The following ARHGEF3 variants were observed in gnomAD, a reference collection of about 807,000 sequenced individuals.
The protein encoded by ARHGEF3 is 59.8 kDA protein.
Under a neutral mutation model 63.2 loss-of-function variants are expected in ARHGEF3, and 28 were observed. The observed-to-expected ratio is 0.44, with a 90% CI of 0.33 to 0.61. ARHGEF3 has a LOEUF of 0.61. Ranked by LOEUF, ARHGEF3 falls within the 20% of genes least tolerant of loss-of-function variation. The pLI, the probability that ARHGEF3 is intolerant of heterozygous loss-of-function variation, is 0.03. For missense variants in ARHGEF3, 533 were observed against 659.3 expected, an observed-to-expected ratio of 0.81 and a Z score of 2.10; for synonymous variants, 266 against 254.2, an observed-to-expected ratio of 1.05 and a Z score of -0.44.
chr3:56,777,158 A>G (rs1024400262), intron 1 of ARHGEF3, among the ~76,000 whole-genome samples: 3 of 152,244 alleles, frequency 2.0e-5, no homozygotes, highest in African/African-American at 4.8e-5. Context: ...TGCTGAGAGC[A>G]TGGGAGAGGC....
chr3:56,848,148 G>A (rs948966706), intron 4 of ARHGEF3, among the ~76,000 whole-genome samples: 4 of 152,072 alleles, frequency 2.6e-5, no homozygotes, highest in Non-Finnish European at 5.9e-5. Flanking sequence ...TTTTATCTGT[G>A]GATTAAATGA....
chr3:56,915,740 C>T (rs937805659), intron 3 of ARHGEF3, among the ~76,000 whole-genome samples: 4 of 152,132 alleles, frequency 2.6e-5, no homozygotes, highest in African/African-American at 7.2e-5. Context: ...AGACTCAAAA[C>T]ACCAGGATCA....
At chr3:57,007,591 C>T (rs1023466227) in intron 2 of ARHGEF3, among the ~76,000 whole-genome samples, 1 of 152,094 alleles carries the variant, frequency 6.6e-6, no homozygotes, top group African/African-American at 2.4e-5. Flanking sequence ...GTGTTGCGCC[C>T]GCCCCTCCAC....
intron 1 of ARHGEF3, chr3:56,775,469 C>T (rs1189205059): frequency 8.0e-6 from 8 of 1,000,140 alleles, no homozygotes; most frequent in East Asian, 1.1e-4. Flanking sequence ...TTTTCCAAGA[C>T]GGAGAATGCA....
chr3:56,895,855 C>A (rs2041285849), intron 3 of ARHGEF3, among the ~76,000 whole-genome samples: 2 of 152,308 alleles, frequency 1.3e-5, no homozygotes, highest in South Asian at 4.1e-4. Context: ...ACAGGGGCAT[C>A]TTTAAGGATA....
At chr3:57,007,959 T>G (rs762116868) in intron 2 of ARHGEF3, among the ~76,000 whole-genome samples, 5 of 152,188 alleles carry the variant, frequency 3.3e-5, no homozygotes, top group Non-Finnish European at 7.3e-5. Context: ...CCGGCAGGGC[T>G]GCTTAGCTGG....
chr3:56,942,632 C>T (rs1003647417), intron 3 of ARHGEF3, among the ~76,000 whole-genome samples: 2 of 152,162 alleles, frequency 1.3e-5, no homozygotes, highest in African/African-American at 2.4e-5. Flanking sequence ...CTATCTCTCA[C>T]TTTAAGTCAA....
At chr3:56,824,481 C>G (rs1209988667) in intron 4 of ARHGEF3, among the ~76,000 whole-genome samples, 1 of 152,094 alleles carries the variant, frequency 6.6e-6, no homozygotes, top group Non-Finnish European at 1.5e-5. Context: ...TCTAATGACT[C>G]CCATTATAGA....
chr3:56,878,594 T>C (rs2040668978), intron 4 of ARHGEF3, among the ~76,000 whole-genome samples: 1 of 152,180 alleles, frequency 6.6e-6, no homozygotes, highest in African/African-American at 2.4e-5. Flanking sequence ...TCCAGTTTCC[T>C]CTGTAAGAGA....
At chr3:56,817,734 T>A (rs2038324595) in intron 4 of ARHGEF3, among the ~76,000 whole-genome samples, 1 of 152,112 alleles carries the variant, frequency 6.6e-6, no homozygotes, top group South Asian at 2.1e-4. Context: ...TTGCTCAAGA[T>A]CACACAGCTA....
intron 4 of ARHGEF3, among the ~76,000 whole-genome samples, chr3:56,849,536 C>A (rs1332113539): frequency 1.3e-5 from 2 of 152,014 alleles, no homozygotes; most frequent in African/African-American, 4.8e-5. Context: ...AGAAAATACA[C>A]GCTAAGTCCA....
rs374482385 is a variant in ARHGEF3, at chr3:56,927,968, T to C, written c.129+30855A>G. 5.3e-4 allele frequency among the ~76,000 whole-genome samples: 80 copies of C among 152,236 alleles called. 1 individual carries two copies. The South Asian group carries it at 0.016, about 30-fold the overall frequency. On this transcript the variant is annotated intron_variant, in intron 3 of 12. Transcript: ENST00000338458. ...GAGAAAACCTGAGGTTCAGAGACGT[T>C]AAGCAATTGCCAGACAGCACACAGC...
At chr3:57,015,835 C>T (rs1385624686) in intron 2 of ARHGEF3, among the ~76,000 whole-genome samples, 1 of 152,092 alleles carries the variant, frequency 6.6e-6, no homozygotes, top group African/African-American at 2.4e-5. Context: ...AGACACTTCG[C>T]CACCCTTGTT....
intron 2 of ARHGEF3, among the ~76,000 whole-genome samples, chr3:56,994,084 A>AAAAAAAAAAAAAAAAAC (rs1701881374): frequency 6.8e-6 from 1 of 146,362 alleles, no homozygotes; most frequent in Non-Finnish European, 1.5e-5. Flanking sequence ...AAAAAAAAAA[A>AAAAAAAAAAAAAAAAAC]AGCACACTGT....
chr3:56,778,672 T>A (rs1339529298), intron 1 of ARHGEF3, among the ~76,000 whole-genome samples: 2 of 152,124 alleles, frequency 1.3e-5, no homozygotes, highest in Non-Finnish European at 2.9e-5. Context: ...AAACTGGGAC[T>A]ACAGGTGCTC....
chr3:57,055,161 T>C (rs1209574980), intron 1 of ARHGEF3, among the ~76,000 whole-genome samples: 5 of 142,618 alleles, frequency 3.5e-5, no homozygotes, highest in African/African-American at 1.1e-4. Context: ...TTTCTCTTTA[T>C]GCTTTTTTTT....
rs764733630 is a variant in ARHGEF3, at chr3:56,774,899, A to C, written c.97-1083T>G. On this transcript the variant is annotated intron_variant, in intron 1 of 9. Coordinates refer to ENST00000296315, the MANE Select transcript of ARHGEF3 (RefSeq NM_019555.3). ...AGAGACTCTGTGTCAAAAAAACAAAAAACAAACAAACAAACAACAACAACA... is the reference window on the plus strand; with the variant it reads ...AGAGACTCTGTGTCAAAAAAACAAACAACAAACAAACAAACAACAACAACA... The C allele has an allele frequency of 1.4e-5, 15 of 1,089,326 alleles. No homozygotes were observed. The Admixed American group carries it at 1.5e-4, about 11-fold the overall frequency. The allele number at this position is 1,089,326 out of a possible 1,614,324, so 67.5% of individuals were successfully genotyped here.
In ARHGEF3 at chr3:56,917,541, T is replaced by C. The variant is rs75019930; in HGVS notation, c.130-35187A>G. Among the ~76,000 whole-genome samples, 451 of 152,186 alleles carry C rather than the reference T, an allele frequency of 3.0e-3. 3 individuals are homozygous for C. Among genetic ancestry groups the C allele is most frequent in the African/African-American group, 0.01 (423 of 41,512 alleles). On this transcript the variant is annotated intron_variant, in intron 3 of 12. Coordinates refer to the ARHGEF3 transcript ENST00000338458. ...ACAGAAGGAGATTAAATCCAAGACT[T>C]TTATGAGAAAGCAGGCTCTTTCCAT... is the stretch of plus-strand genomic sequence containing the variant.
At chr3:56,987,788 G>A (rs1701601332) in intron 2 of ARHGEF3, among the ~76,000 whole-genome samples, 1 of 152,196 alleles carries the variant, frequency 6.6e-6, no homozygotes, top group South Asian at 2.1e-4. Flanking sequence ...ACACCTCAGG[G>A]CCTCCACTCA....
Sources: allele counts gnomAD v4.1 joint callset (sites outside exome capture counted in the v4.1 genomes callset), GRCh38; gene constraint gnomAD v4.1.1; transcripts MANE v1.5; gene names NCBI Gene and HGNC (gene_info 2026-07-23, HGNC 2026-07-21).